KIF18A: variants seen among roughly 807,000 people sequenced by gnomAD.
The protein encoded by KIF18A is kinesin family member 18A.
In KIF18A, 67 loss-of-function variants were observed where a neutral mutation model predicts 103.3. The observed-to-expected ratio is 0.65, with a 90% CI of 0.53 to 0.79. The LOEUF is 0.79. KIF18A is among the 30% of genes least tolerant of loss of function. The pLI is 0.00. For missense variants in KIF18A, 1,032 were observed against 1,062.5 expected (o/e 0.97, Z 0.40); for synonymous variants, 367 against 355.5 (o/e 1.03, Z -0.36).
intron 11 of KIF18A, among the ~76,000 whole-genome samples, chr11:28,063,807 C>CTTAG (rs1850884350): frequency 6.6e-6 from 1 of 151,894 alleles, no homozygotes; most frequent in Non-Finnish European, 1.5e-5. Context: ...CATAATCCAT[C>CTTAG]TTAGCTTTAG....
chr11:28,060,409 T>C (rs1284234180), intron 12 of KIF18A, among the ~76,000 whole-genome samples: 1 of 152,172 alleles, frequency 6.6e-6, no homozygotes, highest in Admixed American at 6.6e-5. Context: ...CCTACAAGTC[T>C]TAAATATTTC....
chr11:28,097,558 G>C, intron 2 of KIF18A, 65 bp downstream of exon 2: 1 of 1,016,474 alleles, frequency 9.8e-7, no homozygotes, highest in Admixed American at 1.7e-5. Flanking sequence ...GGGTCAAGTA[G>C]ATGTCCGTCC....
Position 28,097,868 on chromosome 11 carries a change from G to C in KIF18A, c.80C>G (p.Ala27Gly). The change falls in exon 2 of 17, where the codon GCA becomes GGA. Residue 27 changes from alanine (A) to glycine (G), a missense_variant. Transcript: ENST00000263181. The part of the protein sequence containing the change: ...RVRPENTKEK[A>G]AGFHKVVHVV... Reference sequence around the variant, plus strand: ...ATGAACCACTTTATGAAATCCAGCTGCTTTTTCTTTAGTGTTTTCCGGACG... The same window carrying C: ...ATGAACCACTTTATGAAATCCAGCTCCTTTTTCTTTAGTGTTTTCCGGACG... The C allele has an allele frequency of 6.2e-7, 1 of 1,611,342 alleles. No homozygotes were observed. The highest frequency in any genetic ancestry group is 8.5e-7 in the Non-Finnish European group (1 of 1,179,106).
intron 15 of KIF18A, among the ~76,000 whole-genome samples, chr11:28,031,628 T>C (rs1188129195): frequency 6.6e-6 from 1 of 151,252 alleles, no homozygotes; most frequent in Non-Finnish European, 1.5e-5. Context: ...CATGTATACA[T>C]ATGTAACAAA....
intron 13 of KIF18A, among the ~76,000 whole-genome samples, chr11:28,051,958 C>T (rs1400481882): frequency 1.3e-5 from 2 of 152,086 alleles, no homozygotes; most frequent in Non-Finnish European, 2.9e-5. Flanking sequence ...TTCCTTATCT[C>T]TCTGAAGGTG....
intron 7 of KIF18A, 99 bp downstream of exon 7, chr11:28,084,533 A>T: frequency 1.0e-6 from 1 of 988,676 alleles, no homozygotes; most frequent in Non-Finnish European, 1.5e-6. Flanking sequence ...TGCCTAACTC[A>T]TTATGTAGAA....
chr11:28,079,002 G>C (rs1417039374), intron 9 of KIF18A, among the ~76,000 whole-genome samples: 1 of 152,016 alleles, frequency 6.6e-6, no homozygotes, highest in Admixed American at 6.6e-5. Flanking sequence ...ATACAAGTAA[G>C]TTACTTAACA....
intron 15 of KIF18A, among the ~76,000 whole-genome samples, chr11:28,029,220 C>G (rs976849404): frequency 1.2e-4 from 18 of 151,864 alleles, no homozygotes; most frequent in Non-Finnish European, 1.8e-4. Flanking sequence ...GGCAGAGACA[C>G]AACAAAAAAA....
intron 15 of KIF18A, among the ~76,000 whole-genome samples, chr11:28,034,199 T>A (rs1850449585): frequency 6.6e-6 from 1 of 151,722 alleles, no homozygotes; most frequent in Non-Finnish European, 1.5e-5. Context: ...ATTTTTAAAT[T>A]CCTATCTGAT....
intron 2 of KIF18A, among the ~76,000 whole-genome samples, chr11:28,096,995 G>A (rs1388759269): frequency 1.3e-5 from 2 of 151,808 alleles, no homozygotes; most frequent in Non-Finnish European, 2.9e-5. Context: ...AATTAACATG[G>A]GATCTTAACA....
chr11:28,088,411 A>G (rs1851259517), intron 6 of KIF18A, 113 bp downstream of exon 6: 2 of 813,330 alleles, frequency 2.5e-6, no homozygotes, highest in African/African-American at 3.4e-5. Context: ...TTACTGATAT[A>G]CCCTTGAAAT....
rs1003129286 is a variant in KIF18A, at chr11:28,097,801, T to C, written c.147A>G (p.Glu49=). 1.2e-6 allele frequency: 2 copies of C among 1,613,346 alleles called. No homozygotes were observed. The highest frequency in any genetic ancestry group is 2.7e-5 in the African/African-American group (2 of 74,894). ...TCTTTCCATGGAAAAAACTGACTTCTTCTTGTTTGGGATCAAAAACTAGGA... is the reference window on the plus strand; with the variant it reads ...TCTTTCCATGGAAAAAACTGACTTCCTCTTGTTTGGGATCAAAAACTAGGA... ...KHILVFDPKQ[E]EVSFFHGKKT... is the part of the protein sequence containing the mutation. Residue 49 remains glutamate, a synonymous_variant, in exon 2 of 17, where the codon GAA becomes GAG. Coordinates refer to ENST00000263181, the MANE Select transcript of KIF18A (RefSeq NM_031217.4).
At position 28,079,154 on chromosome 11, in the gene KIF18A, T is replaced by C. The variant is rs563714577; in HGVS notation, c.1263-1985A>G. ...GCCTTACCAGAAAGAAAGGTTCAAT[T>C]ATTTAAAGCCATCAACTCCAGAAAA... On this transcript the variant is annotated intron_variant, in intron 9 of 16. Coordinates refer to ENST00000263181, the MANE Select transcript of KIF18A (RefSeq NM_031217.4). Among the ~76,000 whole-genome samples the C allele has an allele frequency of 1.2e-4, 19 of 152,158 alleles. No homozygotes were observed. In the East Asian group the frequency reaches 3.7e-3, roughly 29 times the overall value.
chr11:28,102,174 C>T (rs1317021661), intron 1 of KIF18A, among the ~76,000 whole-genome samples: 1 of 152,102 alleles, frequency 6.6e-6, no homozygotes, highest in Non-Finnish European at 1.5e-5. Flanking sequence ...AAGCCAGGCA[C>T]CCTTTTAGCT....
intron 1 of KIF18A, among the ~76,000 whole-genome samples, chr11:28,106,982 T>C (rs1480437829): frequency 6.6e-6 from 1 of 152,078 alleles, no homozygotes; most frequent in Non-Finnish European, 1.5e-5. Flanking sequence ...AATAAATGAA[T>C]AAATAATAGA....
intron 13 of KIF18A, among the ~76,000 whole-genome samples, chr11:28,054,845 TC>T (rs1484297010): frequency 6.6e-6 from 1 of 152,180 alleles, no homozygotes; most frequent in Non-Finnish European, 1.5e-5. Context: ...AGTCTTTCCT[TC>T]AAAAATATCA....
At chr11:28,085,265 T>C (rs1399987728) in intron 6 of KIF18A, among the ~76,000 whole-genome samples, 3 of 151,544 alleles carry the variant, frequency 2.0e-5, no homozygotes, top group Non-Finnish European at 4.4e-5. Flanking sequence ...CGAAAGGGAG[T>C]CTCCTTTCCT....
chr11:28,068,156 C>A (rs1262214416), intron 11 of KIF18A, among the ~76,000 whole-genome samples: 1 of 152,080 alleles, frequency 6.6e-6, no homozygotes, highest in Non-Finnish European at 1.5e-5. Flanking sequence ...TCATTCTCAG[C>A]AAACTAACAC....
At chr11:28,027,470 A>C (rs1489438542) in intron 15 of KIF18A, among the ~76,000 whole-genome samples, 1 of 151,824 alleles carries the variant, frequency 6.6e-6, no homozygotes. Context: ...GTTTTGAATA[A>C]GTATTAGCCA....
Sources: gnomAD v4.1 joint callset for allele counts (sites outside exome capture counted in the v4.1 genomes callset) on GRCh38, gnomAD v4.1.1 for gene constraint, MANE v1.5 for transcripts, NCBI Gene and HGNC (gene_info 2026-07-23, HGNC 2026-07-21) for gene names.